Variants in JCHAIN observed in about 807,000 individuals in gnomAD.
The protein encoded by JCHAIN is joining chain of multimeric IgA and IgM.
JCHAIN carries 5 observed loss-of-function variants against 11.1 expected under a neutral mutation model. That is an observed-to-expected ratio of 0.45 (90% confidence interval 0.24 to 0.95). The LOEUF is 0.95. Ranked by LOEUF, JCHAIN falls within the 40% of genes least tolerant of loss-of-function variation. The pLI, the probability that JCHAIN is intolerant of heterozygous loss-of-function variation, is 0.21. For synonymous variants in JCHAIN, 51 were observed against 67.8 expected, an observed-to-expected ratio of 0.75 and a Z score of 1.22; for missense variants, 165 against 192.7, an observed-to-expected ratio of 0.86 and a Z score of 0.85.
Position 70,656,038 on chromosome 4 carries a change from T to C in JCHAIN, c.*291A>G, listed in dbSNP as rs1354526871. The C allele has an allele frequency of 4.2e-6, 1 of 238,128 alleles. No individual in the cohort carries two copies. The highest frequency in any genetic ancestry group is 2.2e-5 in the African/African-American group (1 of 44,628). 14.8% of individuals were successfully genotyped at this position (238,128 alleles called of 1,614,324 possible). A position where few individuals can be genotyped will look rare whatever the true frequency, so the allele number is the denominator to read the frequency against. Reference sequence around the variant, plus strand: ...GTTTTATTTTCTCCCCTTGTTTATTTGTTTAATGCTAGAAACTGTATTCCT... The same window carrying C: ...GTTTTATTTTCTCCCCTTGTTTATTCGTTTAATGCTAGAAACTGTATTCCT... On this transcript the variant is annotated 3_prime_UTR_variant, in exon 4 of 4. Transcript: ENST00000254801.
In JCHAIN at chr4:70,662,225, T is replaced by G. The variant is rs371989005; in HGVS notation, c.65-10A>C. ...CTTTCATCTTCTTGGGCTTGAAAGG[T>G]AAACGTATTAAAAAGAAAGGAAAAC... is the stretch of plus-strand genomic sequence containing the variant. On this transcript the variant is annotated splice_polypyrimidine_tract_variant and intron_variant, in intron 1 of 3. Transcript: ENST00000254801. The G allele has an allele frequency of 6.2e-7, 1 of 1,608,420 alleles. No individual in the cohort carries two copies. The highest frequency in any genetic ancestry group is 1.3e-5 in the African/African-American group (1 of 74,772).
At chr4:70,662,836 G>A (rs1354446209) in intron 1 of JCHAIN, among the ~76,000 whole-genome samples, 6 of 151,938 alleles carry the variant, frequency 3.9e-5, no homozygotes, top group Non-Finnish European at 8.8e-5. Flanking sequence ...GTGCATGCCT[G>A]TAGTCCCAGC....
intron 1 of JCHAIN, among the ~76,000 whole-genome samples, chr4:70,665,422 T>C (rs984477272): frequency 3.9e-5 from 6 of 152,172 alleles, no homozygotes; most frequent in Admixed American, 3.9e-4. Flanking sequence ...AGCTGTTTTA[T>C]ATACAGATGG....
intron 1 of JCHAIN, chr4:70,663,380 G>C (rs1285075041): frequency 6.6e-6 from 1 of 151,920 alleles, no homozygotes; most frequent in Non-Finnish European, 1.5e-5. Flanking sequence ...TTTTTTAGCA[G>C]AGATGGAGTT....
intron 2 of JCHAIN, among the ~76,000 whole-genome samples, chr4:70,660,307 TCAAA>T (rs1018819499): frequency 2.0e-5 from 3 of 151,766 alleles, no homozygotes; most frequent in Non-Finnish European, 4.4e-5. Context: ...ACAGAGTTCT[TCAAA>T]CAGAGGAACT....
chr4:70,657,121 A>G (rs1301090774), intron 3 of JCHAIN, 90 bp downstream of exon 3: 4 of 673,806 alleles, frequency 5.9e-6, no homozygotes, highest in African/African-American at 5.4e-5. Flanking sequence ...ATACTCCAAC[A>G]TATTTTTAAA....
chr4:70,662,034 G>C (rs1739065842), intron 2 of JCHAIN, 58 bp downstream of exon 2: 1 of 1,543,458 alleles, frequency 6.5e-7, no homozygotes, highest in African/African-American at 1.4e-5. Context: ...ACAATGCTCA[G>C]TGTCAGAAAG....
intron 1 of JCHAIN, among the ~76,000 whole-genome samples, chr4:70,663,713 A>T (rs1739100819): frequency 2.0e-5 from 3 of 151,126 alleles, no homozygotes. Context: ...GGCATGTGCC[A>T]CCATGCCCAG....
At chr4:70,659,737 G>A (rs1297678740) in intron 2 of JCHAIN, among the ~76,000 whole-genome samples, 4 of 150,484 alleles carry the variant, frequency 2.7e-5, no homozygotes, top group African/African-American at 4.9e-5. Flanking sequence ...ATGGTGGTGC[G>A]TGCCTGTAGT....
At chr4:70,661,647 A>C (rs910643904) in intron 2 of JCHAIN, among the ~76,000 whole-genome samples, 1 of 152,034 alleles carries the variant, frequency 6.6e-6, no homozygotes, top group Admixed American at 6.6e-5. Flanking sequence ...AAAATTATCC[A>C]GGTGTGGGGT....
At chr4:70,662,271 T>C in intron 1 of JCHAIN, 56 bp from the exon 2 acceptor site, 1 of 1,485,460 alleles carries the variant, frequency 6.7e-7, no homozygotes, top group Non-Finnish European at 9.3e-7. Context: ...TTATATATTT[T>C]GTATTGAGTT....
At chr4:70,663,930 A>G (rs1222206146) in intron 1 of JCHAIN, among the ~76,000 whole-genome samples, 1 of 151,766 alleles carries the variant, frequency 6.6e-6, no homozygotes, top group Non-Finnish European at 1.5e-5. Flanking sequence ...GTGCTAATTA[A>G]TAATAACAAT....
At chr4:70,658,027 A>T (rs566109450) in intron 2 of JCHAIN, among the ~76,000 whole-genome samples, 3 of 152,146 alleles carry the variant, frequency 2.0e-5, no homozygotes, top group Non-Finnish European at 4.4e-5. Context: ...CCTCCCTACC[A>T]AAAGGAACAA....
chr4:70,661,792 C>A (rs1739061795), intron 2 of JCHAIN, among the ~76,000 whole-genome samples: 1 of 151,994 alleles, frequency 6.6e-6, no homozygotes, highest in Non-Finnish European at 1.5e-5. Context: ...AACAAGCAAA[C>A]AAAAATAAAT....
Position 70,655,748 on chromosome 4 carries a change from CTT to C in JCHAIN, c.*579_*580del, listed in dbSNP as rs1738935929. 2 of 152,064 alleles carry C rather than the reference CTT, an allele frequency of 1.3e-5. No individual in the cohort carries two copies. Among genetic ancestry groups the C allele is most frequent in the African/African-American group, 2.4e-5 (1 of 41,424 alleles). The allele number at this position is 152,064 out of a possible 1,614,324, so 9.4% of individuals were successfully genotyped here. On this transcript the variant is annotated 3_prime_UTR_variant, in exon 4 of 4. Coordinates refer to ENST00000254801, the MANE Select transcript of JCHAIN (RefSeq NM_144646.4). ...TTTTAATTATGCATTTATTTTGCTA[CTT>C]TTATAAATATTAGAGATTTCACCTT...
rs1331804977 is a variant in JCHAIN at position 70,656,559 on chromosome 4, A to G, written c.270-20T>C. ...TTACAGCTGAAAAGCAAATATATGT[A>G]TTAGACAATCCCCTCAAATGCTGTC... On this transcript the variant is annotated intron_variant, in intron 3 of 3. Transcript: ENST00000254801. 1.3e-6 allele frequency: 2 copies of G among 1,564,980 alleles called. No homozygotes were observed. The highest frequency in any genetic ancestry group is 1.1e-5 in the South Asian group (1 of 90,038).
intron 1 of JCHAIN, chr4:70,665,902 A>G: frequency 3.0e-6 from 1 of 328,276 alleles, no homozygotes; most frequent in Non-Finnish European, 6.2e-6. Context: ...GTTGTTTGAA[A>G]GATCAGTAAA....
rs1739025286 is a variant in JCHAIN, at chr4:70,660,069, A to T, written c.188+2023T>A. Among the ~76,000 whole-genome samples the T allele has an allele frequency of 2.0e-5, 3 of 152,180 alleles. No homozygotes were observed. The South Asian group carries it at 6.2e-4, about 31-fold the overall frequency. Reference sequence around the variant, plus strand: ...ATTAGAAGATCATGGAGGAGATTTTAAAAATCTCCTGGAGGTTTAAACGTA... The same window carrying T: ...ATTAGAAGATCATGGAGGAGATTTTTAAAATCTCCTGGAGGTTTAAACGTA... On this transcript the variant is annotated intron_variant, in intron 2 of 3. Transcript: ENST00000254801.
chr4:70,656,221 A>T lies in JCHAIN; in HGVS notation c.*108T>A. 1.3e-6 allele frequency: 1 copy of T among 778,974 alleles called. No individual in the cohort carries two copies. The highest frequency in any genetic ancestry group is 1.9e-5 in the South Asian group (1 of 53,400). The allele number at this position is 778,974 out of a possible 1,614,324, so 48.3% of individuals were successfully genotyped here. On this transcript the variant is annotated 3_prime_UTR_variant, in exon 4 of 4. Coordinates refer to ENST00000254801, the MANE Select transcript of JCHAIN (RefSeq NM_144646.4). The stretch of plus-strand genomic sequence containing the variant: ...AGTTGGTTTTACATCACCCAAAAAA[A>T]AAAAAAAGCCCTGGTTTCAAATTCA...
Sources: gnomAD v4.1 joint callset for allele counts (sites outside exome capture counted in the v4.1 genomes callset) on GRCh38, gnomAD v4.1.1 for gene constraint, MANE v1.5 for transcripts, NCBI Gene and HGNC (gene_info 2026-07-23, HGNC 2026-07-21) for gene names.